PITPNC1: variants seen among roughly 807,000 people sequenced by gnomAD.
PITPNC1 encodes cytoplasmic phosphatidylinositol transfer protein 1.
A neutral mutation model predicts 44.7 loss-of-function variants in PITPNC1; 18 were observed. The observed-to-expected ratio is 0.40, with a 90% CI of 0.28 to 0.60. The LOEUF (loss-of-function observed/expected upper bound fraction) is 0.60. PITPNC1 is among the 20% of genes least tolerant of loss of function. The probability of loss-of-function intolerance (pLI) is 0.39; values close to 1 mark genes in which losing one functional copy is unlikely to be tolerated. For synonymous variants in PITPNC1, 141 were observed against 149.6 expected (o/e 0.94, Z 0.42); for missense variants, 290 against 418.4 (o/e 0.69, Z 2.68).
At chr17:67,402,919 G>A (rs2038340141) in intron 1 of PITPNC1, among the ~76,000 whole-genome samples, 1 of 152,060 alleles carries the variant, frequency 6.6e-6, no homozygotes, top group Admixed American at 6.6e-5. Context: ...TGCCCACCTT[G>A]GCCTCCCAAA....
At chr17:67,666,804 A>G (rs9905360) in intron 6 of PITPNC1, among the ~76,000 whole-genome samples, 13,323 of 152,252 alleles carry the variant, frequency 0.088, 1,468 homozygotes, top group African/African-American at 0.25. Context: ...AGGTCCTAAC[A>G]GAGGAGGCAG....
intron 1 of PITPNC1, among the ~76,000 whole-genome samples, chr17:67,410,550 AT>A (rs896976945): frequency 1.4e-4 from 22 of 151,794 alleles, no homozygotes; most frequent in Non-Finnish European, 2.9e-4. Flanking sequence ...TGCCCAGCTA[AT>A]TTTTTTGATT....
intron 1 of PITPNC1, among the ~76,000 whole-genome samples, chr17:67,458,097 C>G (rs993463575): frequency 1.3e-5 from 2 of 152,210 alleles, no homozygotes; most frequent in Non-Finnish European, 2.9e-5. Flanking sequence ...AACTTTCTTA[C>G]ATCTGCGTCT....
chr17:67,640,989 CA>C (rs534944833), intron 6 of PITPNC1, among the ~76,000 whole-genome samples: 9 of 141,054 alleles, frequency 6.4e-5, no homozygotes, highest in Admixed American at 7.1e-5. Context: ...GACCCTGTCT[CA>C]AAAAAAAAAG....
intron 1 of PITPNC1, among the ~76,000 whole-genome samples, chr17:67,509,992 C>T (rs981137773): frequency 1.3e-5 from 2 of 152,186 alleles, no homozygotes; most frequent in East Asian, 3.8e-4. Context: ...GTCTTAAGTA[C>T]ACAATCTGCT....
intron 8 of PITPNC1, chr17:67,687,217 C>A: frequency 8.7e-7 from 1 of 1,142,870 alleles, no homozygotes; most frequent in Non-Finnish European, 1.3e-6. Flanking sequence ...GTTGCCCACC[C>A]TTTCACAAAT....
In PITPNC1 at chr17:67,597,905, G is replaced by A. The variant is rs945711953; in HGVS notation, c.366+19648G>A. ...GATCAGATGATAGAGAATGCAGCCC[G>A]AGATTTAAAGCAGTGACAGTAGAAA... On this transcript the variant is annotated intron_variant, in intron 5 of 8. Coordinates refer to ENST00000581322, the MANE Select transcript of PITPNC1 (RefSeq NM_012417.4). This position sits in a 1 kb window ranked among gnomAD's most constrained non-coding sequence, Gnocchi z 4.0. Among the ~76,000 whole-genome samples the A allele has an allele frequency of 1.3e-5, 2 of 152,196 alleles. No homozygotes were observed. Among genetic ancestry groups the A allele is most frequent in the Non-Finnish European group, 1.5e-5 (1 of 68,004 alleles).
chr17:67,660,188 A>G (rs1301989290), intron 6 of PITPNC1, among the ~76,000 whole-genome samples: 2 of 152,132 alleles, frequency 1.3e-5, no homozygotes, highest in Non-Finnish European at 2.9e-5. Context: ...CTATGCCATA[A>G]ATCTATCCAT....
intron 4 of PITPNC1, among the ~76,000 whole-genome samples, chr17:67,570,757 C>G (rs531934712): frequency 1.3e-5 from 2 of 150,598 alleles, no homozygotes; most frequent in South Asian, 4.2e-4. Flanking sequence ...GAACTGAAGT[C>G]TGTTTTACTC....
At chr17:67,644,106 T>C (rs1179171680) in intron 6 of PITPNC1, among the ~76,000 whole-genome samples, 1 of 152,216 alleles carries the variant, frequency 6.6e-6, no homozygotes, top group Non-Finnish European at 1.5e-5. Flanking sequence ...ATTGCCTCTG[T>C]TATGGTTTAA....
chr17:67,518,895 T>C (rs1401099748), intron 1 of PITPNC1, among the ~76,000 whole-genome samples: 1 of 152,204 alleles, frequency 6.6e-6, no homozygotes, highest in African/African-American at 2.4e-5. Context: ...GTGAGCTATT[T>C]CACACCACTG....
At chr17:67,683,031 G>C (rs992262315) in intron 8 of PITPNC1, among the ~76,000 whole-genome samples, 1 of 151,804 alleles carries the variant, frequency 6.6e-6, no homozygotes, top group Non-Finnish European at 1.5e-5. Context: ...GTGGTGGCGG[G>C]TGCCTGTAAT....
chr17:67,487,139 A>T (rs1367078753), intron 1 of PITPNC1, among the ~76,000 whole-genome samples: 1 of 152,132 alleles, frequency 6.6e-6, no homozygotes, highest in Non-Finnish European at 1.5e-5. Flanking sequence ...GACAAATCAC[A>T]CCATTTTTAT....
intron 4 of PITPNC1, among the ~76,000 whole-genome samples, chr17:67,563,512 C>G (rs189785571): frequency 4.7e-4 from 72 of 152,274 alleles, no homozygotes; most frequent in Non-Finnish European, 9.4e-4. Flanking sequence ...GGCTGGTAAA[C>G]AAGAATAAAG....
At chr17:67,496,993 GT>G (rs2039960337) in intron 1 of PITPNC1, among the ~76,000 whole-genome samples, 1 of 151,970 alleles carries the variant, frequency 6.6e-6, no homozygotes. Context: ...AGGCATGGTG[GT>G]GTGTGCCTGT....
At chr17:67,433,572 G>A (rs2038890168) in intron 1 of PITPNC1, among the ~76,000 whole-genome samples, 2 of 152,166 alleles carry the variant, frequency 1.3e-5, no homozygotes, top group African/African-American at 4.8e-5. Context: ...GAGTCTGGGT[G>A]TGGTGGCCTG....
At chr17:67,519,842 C>G (rs2040303831) in intron 1 of PITPNC1, among the ~76,000 whole-genome samples, 1 of 152,186 alleles carries the variant, frequency 6.6e-6, no homozygotes, top group Non-Finnish European at 1.5e-5. Context: ...ACCAGAACCC[C>G]AAAACCACTT....
intron 6 of PITPNC1, chr17:67,637,935 G>A (rs921229261): frequency 3.9e-5 from 6 of 152,122 alleles, no homozygotes; most frequent in African/African-American, 1.5e-4. Context: ...TAGTCACACA[G>A]ACCACTGAGA....
chr17:67,631,560 C>T (rs1278904759), intron 5 of PITPNC1, among the ~76,000 whole-genome samples: 6 of 117,982 alleles, frequency 5.1e-5, no homozygotes, highest in African/African-American at 1.3e-4. Context: ...ACCCAAGAGG[C>T]GGAGCTTGCA....
Sources: allele counts gnomAD v4.1 joint callset (sites outside exome capture counted in the v4.1 genomes callset), GRCh38; gene constraint gnomAD v4.1.1; non-coding constraint Gnocchi (gnomAD v3.1); transcripts MANE v1.5; gene names NCBI Gene and HGNC (gene_info 2026-07-23, HGNC 2026-07-21).